Variants in PCDHGA3 observed in about 807,000 individuals in gnomAD.
PCDHGA3 encodes protocadherin gamma subfamily A, 3.
In PCDHGA3, 40 loss-of-function variants were observed where a neutral mutation model predicts 58.5. The observed-to-expected ratio is 0.68, with a 90% CI of 0.53 to 0.89. The LOEUF (loss-of-function observed/expected upper bound fraction) is 0.89. Among genes scored for constraint, PCDHGA3 ranks in the 40% least tolerant of loss-of-function variants. The pLI, the probability that PCDHGA3 is intolerant of heterozygous loss-of-function variation, is 0.00. For missense variants in PCDHGA3, 1,223 were observed against 1,195.9 expected (o/e 1.02, Z -0.33); for synonymous variants, 530 against 525.7 (o/e 1.01, Z -0.11).
intron 1 of PCDHGA3, chr5:141,393,906 G>C: frequency 1.2e-6 from 2 of 1,613,998 alleles, no homozygotes; most frequent in Non-Finnish European, 1.7e-6. Context: ...TCCCGGGACA[G>C]TAATTGCCTT....
Position 141,343,944 on chromosome 5 carries a change from T to C in PCDHGA3, c.-90T>C. On this transcript the variant is annotated 5_prime_UTR_variant, in exon 1 of 4. Coordinates refer to ENST00000253812, the MANE Select transcript of PCDHGA3 (RefSeq NM_018916.4). Reference sequence around the variant, plus strand: ...CTGTTTGACCTGTGAATTAGGCCCGTAAAAGACTTCGTTTCTTGAGAAAAT... The same window carrying C: ...CTGTTTGACCTGTGAATTAGGCCCGCAAAAGACTTCGTTTCTTGAGAAAAT... The C allele has an allele frequency of 7.9e-7, 1 of 1,271,424 alleles. No homozygotes were observed. The highest frequency in any genetic ancestry group is 1.1e-6 in the Non-Finnish European group (1 of 928,692). The allele number at this position is 1,271,424 out of a possible 1,614,324, so 78.8% of individuals were successfully genotyped here. A position where few individuals can be genotyped will look rare whatever the true frequency, so the allele number is the denominator to read the frequency against.
At position 141,487,641 on chromosome 5, in the gene PCDHGA3, T is replaced by C. The variant is rs1343702532; in HGVS notation, c.2425-7166T>C. The stretch of plus-strand genomic sequence containing the variant: ...GTGAGACCTTTGCAGGCTCAACAAA[T>C]GCTTGAGGGTTATTCTGATCCAGGC... On this transcript the variant is annotated intron_variant, in intron 1 of 3. Coordinates refer to ENST00000253812, the MANE Select transcript of PCDHGA3 (RefSeq NM_018916.4). The surrounding 1 kb of genome is among the most constrained non-coding windows in gnomAD (Gnocchi z 5.0). The C allele has an allele frequency of 6.2e-7, 1 of 1,614,122 alleles. No individual in the cohort carries two copies. Among genetic ancestry groups the C allele is most frequent in the Non-Finnish European group, 8.5e-7 (1 of 1,179,998 alleles).
chr5:141,361,618 G>T lies in PCDHGA3; in HGVS notation c.2424+15161G>T, dbSNP rs372928108. On this transcript the variant is annotated intron_variant, in intron 1 of 3. Transcript: ENST00000253812. ...AGTTTCCTACTCCATCGTAGCGAGC[G>T]ACCTGAAGCCGCGGGAGATTTTATC... 63 of 1,613,956 alleles carry T rather than the reference G, an allele frequency of 3.9e-5. No individual in the cohort carries two copies. The African/African-American group carries it at 4.1e-4, about 11-fold the overall frequency.
chr5:141,422,115 T>C, intron 1 of PCDHGA3: 1 of 1,605,004 alleles, frequency 6.2e-7, no homozygotes, highest in South Asian at 1.1e-5. Context: ...TCCAATTGGA[T>C]TCACAAACTG....
intron 1 of PCDHGA3, chr5:141,372,330 G>C (rs764870915): frequency 1.9e-5 from 31 of 1,613,614 alleles, no homozygotes; most frequent in Non-Finnish European, 2.5e-5. Flanking sequence ...GCTGGTCACT[G>C]TGCGTGATGG....
chr5:141,352,512 G>A, intron 1 of PCDHGA3: 7 of 1,614,006 alleles, frequency 4.3e-6, no homozygotes, highest in Non-Finnish European at 5.9e-6. Context: ...TACAATCTAT[G>A]TATTGCCTCT....
intron 1 of PCDHGA3, chr5:141,356,530 G>T (rs1469460338): frequency 6.2e-7 from 1 of 1,613,694 alleles, no homozygotes; most frequent in East Asian, 2.2e-5. Flanking sequence ...GCAAGTGATG[G>T]ACATCAATGA....
At chr5:141,420,558 C>T (rs1373350109) in intron 1 of PCDHGA3, 1 of 248,240 alleles carries the variant, frequency 4.0e-6, no homozygotes, top group Non-Finnish European at 7.5e-6. Flanking sequence ...TATATTTTTA[C>T]GGCATGGTAT....
At chr5:141,384,893 C>G in intron 1 of PCDHGA3, 2 of 1,613,890 alleles carry the variant, frequency 1.2e-6, no homozygotes, top group Non-Finnish European at 1.7e-6. Context: ...GTGGCTGTGG[C>G]TGACAGCATC....
At chr5:141,372,159 A>G in intron 1 of PCDHGA3, 1 of 1,613,708 alleles carries the variant, frequency 6.2e-7, no homozygotes, top group East Asian at 2.2e-5. Context: ...CTACCTGGTG[A>G]CCAAGGTGGT....
chr5:141,491,714 C>T lies in PCDHGA3; in HGVS notation c.2425-3093C>T, dbSNP rs1321811999. 2 of 1,608,744 alleles carry T rather than the reference C, an allele frequency of 1.2e-6. No individual in the cohort carries two copies. Among genetic ancestry groups the T allele is most frequent in the Non-Finnish European group, 1.7e-6 (2 of 1,177,916 alleles). The stretch of plus-strand genomic sequence containing the variant: ...GAGCGGAGCCAGGTGAGGGGCTCGG[C>T]GCCGCCCCGGGCGACCCCTGGGGGC... On this transcript the variant is annotated intron_variant, in intron 1 of 3. Coordinates refer to ENST00000253812, the MANE Select transcript of PCDHGA3 (RefSeq NM_018916.4). The surrounding 1 kb of genome is among the most constrained non-coding windows in gnomAD (Gnocchi z 6.9).
intron 1 of PCDHGA3, chr5:141,408,969 C>T (rs1005367761): frequency 3.7e-6 from 6 of 1,613,594 alleles, no homozygotes; most frequent in Non-Finnish European, 5.1e-6. Context: ...GAAAATCTGC[C>T]CCCTGGGTCC....
At chr5:141,351,247 T>G (rs1262352306) in intron 1 of PCDHGA3, 18 of 1,614,026 alleles carry the variant, frequency 1.1e-5, no homozygotes, top group Non-Finnish European at 1.4e-5. Context: ...ACTGTAATGT[T>G]CAAATAGAAA....
chr5:141,382,961 G>A (rs749724133), intron 1 of PCDHGA3: 14 of 1,607,564 alleles, frequency 8.7e-6, no homozygotes, highest in Non-Finnish European at 1.2e-5. Flanking sequence ...ATCCTCCTGG[G>A]GACCCCCTGG....
Position 141,418,471 on chromosome 5 carries a change from G to T in PCDHGA3, c.2424+72014G>T, listed in dbSNP as rs199547102. 57 of 1,614,002 alleles carry T rather than the reference G, an allele frequency of 3.5e-5. No homozygotes were observed. In the African/African-American group the frequency reaches 5.7e-4, roughly 16 times the overall value. ...TGCAGAAGACTCTGGACCGAGAAACGCAGAGCGCTCACCACTTGGTACTGA... is the reference window on the plus strand; with the variant it reads ...TGCAGAAGACTCTGGACCGAGAAACTCAGAGCGCTCACCACTTGGTACTGA... On this transcript the variant is annotated intron_variant, in intron 1 of 3. Coordinates refer to ENST00000253812, the MANE Select transcript of PCDHGA3 (RefSeq NM_018916.4).
Position 141,345,528 on chromosome 5 carries a change from G to T in PCDHGA3, c.1495G>T (p.Ala499Ser). Reference protein sequence around the residue: ...YALTEDTLQGAPLSSFVSINS... With the variant: ...YALTEDTLQGSPLSSFVSINS... ...ATTGACCGAGGACACTCTCCAGGGG[G>T]CGCCCCTGTCCTCCTTCGTCTCTAT... is the stretch of plus-strand genomic sequence containing the variant. The change falls in exon 1 of 4, where the codon GCG becomes TCG. Residue 499 changes from alanine (A) to serine (S), a missense_variant. This residue lies in a region of PCDHGA3 where 791 missense variants were observed against 708.5 expected (regional missense o/e 1.12). Coordinates refer to ENST00000253812, the MANE Select transcript of PCDHGA3 (RefSeq NM_018916.4). 1 of 1,614,130 alleles carries T rather than the reference G, an allele frequency of 6.2e-7. No individual in the cohort carries two copies. The highest frequency in any genetic ancestry group is 8.5e-7 in the Non-Finnish European group (1 of 1,180,004).
At chr5:141,355,702 C>T (rs1051426274) in intron 1 of PCDHGA3, 53 of 1,613,866 alleles carry the variant, frequency 3.3e-5, no homozygotes, top group Non-Finnish European at 4.4e-5. Context: ...AAACTCCCTG[C>T]AGGGTTACCA....
chr5:141,359,856 A>C (rs1055838573), intron 1 of PCDHGA3, among the ~76,000 whole-genome samples: 7 of 152,188 alleles, frequency 4.6e-5, no homozygotes, highest in Admixed American at 2.0e-4. Context: ...TTTATAAATT[A>C]AAAAAGAAAA....
In PCDHGA3 at chr5:141,480,033, C is replaced by G. The variant is rs370321166; in HGVS notation, c.2425-14774C>G. On this transcript the variant is annotated intron_variant, in intron 1 of 3. Coordinates refer to ENST00000253812, the MANE Select transcript of PCDHGA3 (RefSeq NM_018916.4). ...CTCAATCTCCTTTCTAAGCCTCTTC[C>G]TCATATGCAAAAAGGGAATAATAAG... is the stretch of plus-strand genomic sequence containing the variant. Among the ~76,000 whole-genome samples, 3 of 152,224 alleles carry G rather than the reference C, an allele frequency of 2.0e-5. No individual in the cohort carries two copies. The East Asian group carries it at 5.8e-4, about 29-fold the overall frequency.
Sources: gnomAD v4.1 joint callset for allele counts (sites outside exome capture counted in the v4.1 genomes callset) on GRCh38, gnomAD v4.1.1 for gene constraint, gnomAD v4.1.1 regional missense constraint, Gnocchi (gnomAD v3.1) non-coding constraint, MANE v1.5 for transcripts, NCBI Gene and HGNC (gene_info 2026-07-23, HGNC 2026-07-21) for gene names.